Variants in LACC1 observed in about 807,000 individuals in gnomAD.
LACC1 encodes purine nucleoside phosphorylase LACC1.
A neutral mutation model predicts 34.8 loss-of-function variants in LACC1; 25 were observed. The observed-to-expected ratio is 0.72, with a 90% CI of 0.52 to 1.00. The LOEUF is 1.00. Ranked by LOEUF, LACC1 falls within the 50% of genes least tolerant of loss-of-function variation. The pLI is 0.00. For missense variants in LACC1, 426 were observed against 511.2 expected, an observed-to-expected ratio of 0.83 and a Z score of 1.61; for synonymous variants, 162 against 168.0, an observed-to-expected ratio of 0.96 and a Z score of 0.28.
intron 4 of LACC1, 66 bp downstream of exon 4, chr13:43,884,002 C>A: frequency 7.4e-7 from 1 of 1,358,262 alleles, no homozygotes; most frequent in South Asian, 1.3e-5. Flanking sequence ...ATTGTAATTT[C>A]TTTCTGATGG....
intron 6 of LACC1, 48 bp downstream of exon 6, chr13:43,890,322 C>T: frequency 6.9e-7 from 1 of 1,454,082 alleles, no homozygotes; most frequent in South Asian, 1.3e-5. Flanking sequence ...TCTTTCATCC[C>T]TCTCTCCACT....
intron 6 of LACC1, 123 bp downstream of exon 6, chr13:43,890,397 T>C: frequency 1.3e-6 from 1 of 745,634 alleles, no homozygotes. Context: ...AAAAAAAAGT[T>C]AATTATGTTA....
intron 4 of LACC1, among the ~76,000 whole-genome samples, chr13:43,886,306 C>T (rs371649245): frequency 1.5e-4 from 23 of 152,260 alleles, no homozygotes; most frequent in African/African-American, 5.1e-4. Context: ...CACATGCACA[C>T]GTATGTTCAT....
At chr13:43,884,895 G>A (rs1955242746) in intron 4 of LACC1, among the ~76,000 whole-genome samples, 1 of 152,040 alleles carries the variant, frequency 6.6e-6, no homozygotes, top group Non-Finnish European at 1.5e-5. Context: ...TATAAAAAGA[G>A]GATATTATTT....
chr13:43,891,544 G>C lies in LACC1; in HGVS notation c.*97G>C. On this transcript the variant is annotated 3_prime_UTR_variant, in exon 7 of 7. Transcript: ENST00000325686. ...TGTTTGATTTACTTAAAACCAAATG[G>C]ATTACAATGGATAATTCATCTTTTG... is the stretch of plus-strand genomic sequence containing the variant. 2 of 925,882 alleles carry C rather than the reference G, an allele frequency of 2.2e-6. No individual in the cohort carries two copies. Among genetic ancestry groups the C allele is most frequent in the South Asian group, 1.0e-4 (2 of 20,088 alleles). The allele number at this position is 925,882 out of a possible 1,614,324, so 57.4% of individuals were successfully genotyped here.
Position 43,883,956 on chromosome 13 carries a change from C to G in LACC1, c.907+20C>G. On this transcript the variant is annotated intron_variant, in intron 4 of 6. Coordinates refer to ENST00000325686, the MANE Select transcript of LACC1 (RefSeq NM_153218.4). ...ACGCTGGTAAGTATACTTAATTAAA[C>G]ATTTAGAATTTTACTCATTTTGTTG... is the stretch of plus-strand genomic sequence containing the variant. The G allele has an allele frequency of 6.3e-7, 1 of 1,582,592 alleles. No individual in the cohort carries two copies. The highest frequency in any genetic ancestry group is 1.2e-5 in the South Asian group (1 of 86,646).
chr13:43,890,239 G>A lies in LACC1; in HGVS notation c.1259G>A (p.Gly420Asp). 6.2e-7 allele frequency: 1 copy of A among 1,613,442 alleles called. No individual in the cohort carries two copies. The highest frequency in any genetic ancestry group is 8.5e-7 in the Non-Finnish European group (1 of 1,179,728). ...FSHVRDGLNF[G>D]TQIGFISIKE ...CATGTCCGAGATGGCCTTAATTTTG[G>A]TACACAGATTGGCTTCATATCAATT... Residue 420 changes from glycine to aspartate, a missense_variant, in exon 6 of 7, where the codon GGT (glycine) becomes GAT (aspartate). Transcript: ENST00000325686.
chr13:43,881,280 A>G lies in LACC1; in HGVS notation c.295A>G (p.Asn99Asp), dbSNP rs749333874. Reference sequence around the variant, plus strand: ...CATTAAACAGAAAATTGATGAAAAAAATCTGAGCAGCATTAAGGTAATTGT... The same window carrying G: ...CATTAAACAGAAAATTGATGAAAAAGATCTGAGCAGCATTAAGGTAATTGT... ...YTIKQKIDEK[N>D]LSSIKVIVPR... is the part of the protein sequence containing the mutation. Residue 99 changes from asparagine to aspartate, a missense_variant, in exon 2 of 7, where the codon AAT (asparagine) becomes GAT (aspartate). Physicochemically the swap from Asn to Asp is conservative, Grantham distance 23. Coordinates refer to ENST00000325686, the MANE Select transcript of LACC1 (RefSeq NM_153218.4). The G allele has an allele frequency of 3.1e-6, 5 of 1,614,094 alleles. No homozygotes were observed. In the Admixed American group the frequency reaches 8.3e-5, roughly 27 times the overall value.
chr13:43,891,635 A>G lies in LACC1; in HGVS notation c.*188A>G. The G allele has an allele frequency of 2.8e-6, 2 of 722,112 alleles. No homozygotes were observed. The highest frequency in any genetic ancestry group is 3.4e-6 in the Non-Finnish European group (2 of 589,958). 44.7% of individuals were successfully genotyped at this position (722,112 alleles called of 1,614,324 possible). On this transcript the variant is annotated 3_prime_UTR_variant, in exon 7 of 7. Transcript: ENST00000325686. The stretch of plus-strand genomic sequence containing the variant: ...TTAATTGTAATAATAACTGACAAAA[A>G]TCAGTATGTTGTAGCTAATATGTTT...
In LACC1 at chr13:43,881,198, T is replaced by C. The variant is rs1955015160; in HGVS notation, c.213T>C (p.Ala71=). ...TAGAAACAAGCAATGGATTATCAGC[T>C]CTCTTGGAAGAATTTGAGATTGTTA... is the stretch of plus-strand genomic sequence containing the variant. The part of the protein sequence containing the change: ...CEIETSNGLS[A]LLEEFEIVSC... The change falls in exon 2 of 7, where the codon GCT becomes GCC. Residue 71 remains alanine (A), a synonymous_variant. Coordinates refer to ENST00000325686, the MANE Select transcript of LACC1 (RefSeq NM_153218.4). 1 of 1,614,148 alleles carries C rather than the reference T, an allele frequency of 6.2e-7. No homozygotes were observed. The highest frequency in any genetic ancestry group is 1.6e-4 in the Middle Eastern group (1 of 6,062).
At chr13:43,886,558 A>G (rs1192398188) in intron 4 of LACC1, among the ~76,000 whole-genome samples, 2 of 152,164 alleles carry the variant, frequency 1.3e-5, no homozygotes, top group Non-Finnish European at 2.9e-5. Flanking sequence ...TTGAGTACAC[A>G]TGGACACAAA....
At position 43,892,964 on chromosome 13, in the gene LACC1, C is replaced by G. The variant is rs777182151; in HGVS notation, c.*1517C>G. 7.9e-5 allele frequency: 12 copies of G among 152,322 alleles called. No homozygotes were observed. The highest frequency in any genetic ancestry group is 3.4e-3 in the Middle Eastern group (1 of 294). The allele number at this position is 152,322 out of a possible 1,614,324, so 9.4% of individuals were successfully genotyped here. On this transcript the variant is annotated 3_prime_UTR_variant, in exon 7 of 7. Transcript: ENST00000325686. ...TGCATAGGTGTCAACTCTTTTCTGA[C>G]AGCATTTACTAGAGAAGAGAAAAAG... is the stretch of plus-strand genomic sequence containing the variant.
intron 4 of LACC1, 44 bp downstream of exon 4, chr13:43,883,980 T>C (rs1342538343): frequency 1.3e-6 from 2 of 1,539,522 alleles, no homozygotes; most frequent in South Asian, 2.3e-5. Context: ...CTCATTTTGT[T>C]GTGCAGGAAA....
intron 3 of LACC1, among the ~76,000 whole-genome samples, chr13:43,883,074 C>T (rs11619043): frequency 0.11 from 16,528 of 152,120 alleles, 1,235 homozygotes; most frequent in Middle Eastern, 0.16. Flanking sequence ...CCCATGTGGA[C>T]GTGAGGAGAA....
Position 43,893,696 on chromosome 13 carries a change from C to T in LACC1, c.*2249C>T, listed in dbSNP as rs916192464. ...CTCATTTTTTCCAATTCAGGGAAGG[C>T]ACTAAACATAAAGCATAGGATAGAA... is the stretch of plus-strand genomic sequence containing the variant. On this transcript the variant is annotated 3_prime_UTR_variant, in exon 7 of 7. Coordinates refer to ENST00000325686, the MANE Select transcript of LACC1 (RefSeq NM_153218.4). The T allele has an allele frequency of 3.3e-5, 5 of 151,958 alleles. No homozygotes were observed. Among genetic ancestry groups the T allele is most frequent in the African/African-American group, 1.2e-4 (5 of 41,388 alleles). The allele number at this position is 151,958 out of a possible 1,614,324, so 9.4% of individuals were successfully genotyped here. A position where few individuals can be genotyped will look rare whatever the true frequency, so the allele number is the denominator to read the frequency against.
chr13:43,884,584 A>C (rs1291295090), intron 4 of LACC1, among the ~76,000 whole-genome samples: 1 of 152,168 alleles, frequency 6.6e-6, no homozygotes, highest in South Asian at 2.1e-4. Context: ...CTGAGAGCAA[A>C]GAAGTATTTT....
At chr13:43,891,336 A>G (rs1467032729) in intron 6 of LACC1, 113 bp from the exon 7 acceptor site, 1 of 337,544 alleles carries the variant, frequency 3.0e-6, no homozygotes, top group Non-Finnish European at 4.2e-6. Context: ...ACTCTTTACA[A>G]TGTTTTTAGC....
In LACC1 at chr13:43,888,938, A is replaced by G. The variant is rs1955450811; in HGVS notation, c.1089A>G (p.Leu363=). ...FHNLHPACVQ[L]FDSPNPCIDI... is the part of the protein sequence containing the mutation. ...ATCTTCATCCTGCATGTGTACAACTATTTGATTCACCAAATCCCTGTATCG... is the reference window on the plus strand; with the variant it reads ...ATCTTCATCCTGCATGTGTACAACTGTTTGATTCACCAAATCCCTGTATCG... Residue 363 remains leucine (L), a synonymous_variant, in exon 5 of 7, where the codon CTA becomes CTG. Coordinates refer to ENST00000325686, the MANE Select transcript of LACC1 (RefSeq NM_153218.4). The G allele has an allele frequency of 1.9e-6, 3 of 1,613,868 alleles. No individual in the cohort carries two copies. The highest frequency in any genetic ancestry group is 2.5e-6 in the Non-Finnish European group (3 of 1,179,814).
intron 5 of LACC1, among the ~76,000 whole-genome samples, chr13:43,889,212 G>A (rs2138358767): frequency 6.6e-6 from 1 of 152,222 alleles, no homozygotes; most frequent in South Asian, 2.1e-4. Context: ...TAAAAGTGAA[G>A]GAAGAAATAT....
Sources: gnomAD v4.1 joint callset for allele counts (sites outside exome capture counted in the v4.1 genomes callset) on GRCh38, gnomAD v4.1.1 for gene constraint, MANE v1.5 for transcripts, NCBI Gene and HGNC (gene_info 2026-07-23, HGNC 2026-07-21) for gene names.